The following CDH13 variants were observed in gnomAD, a reference collection of about 807,000 sequenced individuals.
CDH13 encodes cadherin-13.
Under a neutral mutation model 63.8 loss-of-function variants are expected in CDH13, and 24 were observed. The ratio of observed to expected loss-of-function variants is 0.38; its 90% CI spans 0.27 to 0.53. The LOEUF is 0.53. Ranked by LOEUF, CDH13 falls within the 20% of genes least tolerant of loss-of-function variation. CDH13 has a pLI of 0.85. For synonymous variants in CDH13, 503 were observed against 355.3 expected (o/e 1.42, Z -4.67); for missense variants, 1,049 against 903.1 (o/e 1.16, Z -2.07).
chr16:83,767,011 A>C (rs1158776938), intron 11 of CDH13, among the ~76,000 whole-genome samples: 1 of 152,172 alleles, frequency 6.6e-6, no homozygotes, highest in Non-Finnish European at 1.5e-5. Context: ...TGAGTCAATT[A>C]AACCCCTTTC....
intron 4 of CDH13, among the ~76,000 whole-genome samples, chr16:83,164,436 T>A (rs9939204): frequency 0.11 from 15,944 of 151,828 alleles, 967 homozygotes; most frequent in Middle Eastern, 0.22. Context: ...AAAACTAGAG[T>A]GTCTAAGCAG....
intron 2 of CDH13, among the ~76,000 whole-genome samples, chr16:82,969,466 T>TTTC (rs10652087): frequency 0.12 from 17,678 of 147,868 alleles, 1,285 homozygotes; most frequent in Middle Eastern, 0.16. Flanking sequence ...CTCTGGCTAT[T>TTTC]TTCTGCATAT....
chr16:83,295,563 G>A (rs886882068), intron 5 of CDH13, among the ~76,000 whole-genome samples: 4 of 152,034 alleles, frequency 2.6e-5, no homozygotes, highest in Admixed American at 6.6e-5. Flanking sequence ...TGGCCAGCAG[G>A]CATATTTTTA....
chr16:83,730,781 G>A (rs381037), intron 10 of CDH13, among the ~76,000 whole-genome samples: 31,136 of 152,094 alleles, frequency 0.2, 4,076 homozygotes, highest in Non-Finnish European at 0.3. Flanking sequence ...AGTGTGCATA[G>A]TACCCGATAG....
intron 4 of CDH13, among the ~76,000 whole-genome samples, chr16:83,147,648 T>C (rs571350762): frequency 6.6e-6 from 1 of 152,316 alleles, no homozygotes; most frequent in South Asian, 2.1e-4. Flanking sequence ...AGTGGGCTTT[T>C]CTTGACATCC....
intron 5 of CDH13, among the ~76,000 whole-genome samples, chr16:83,237,599 C>T (rs913292136): frequency 6.6e-6 from 1 of 152,202 alleles, no homozygotes; most frequent in African/African-American, 2.4e-5. Context: ...TGGCTGATGG[C>T]CTTACTGTTG....
chr16:82,705,556 C>A, intron 1 of CDH13, among the ~76,000 whole-genome samples: 1 of 152,098 alleles, frequency 6.6e-6, no homozygotes, highest in African/African-American at 2.4e-5. Context: ...GGCTGGTGAT[C>A]CCAAGACTAA....
At chr16:83,564,078 T>G (rs186550202) in intron 7 of CDH13, among the ~76,000 whole-genome samples, 1 of 152,260 alleles carries the variant, frequency 6.6e-6, no homozygotes, top group Admixed American at 6.5e-5. Flanking sequence ...GTCAAATACG[T>G]GAAATGATTA....
At chr16:83,698,288 T>C (rs377007299) in intron 10 of CDH13, among the ~76,000 whole-genome samples, 1 of 152,212 alleles carries the variant, frequency 6.6e-6, no homozygotes, top group Non-Finnish European at 1.5e-5. Context: ...AGAGTGCAAA[T>C]GAATGCTAAT....
chr16:82,871,039 G>A (rs2040326573), intron 2 of CDH13, among the ~76,000 whole-genome samples: 1 of 152,152 alleles, frequency 6.6e-6, no homozygotes, highest in South Asian at 2.1e-4. Context: ...GTCAAATGAT[G>A]TTCCATAGAA....
At position 83,337,621 on chromosome 16, in the gene CDH13, A is replaced by ATTTTTTTTTTTTTTT. The variant is rs66957563; in HGVS notation, c.637-7226_637-7212dup. On this transcript the variant is annotated intron_variant, in intron 5 of 13. Transcript: ENST00000567109. ...ATTTGAGAATTAAATTGACAAGCGT[A>ATTTTTTTTTTTTTTT]TTTTTTTTTTTTTTTTTTTTTTTTT... 7.7e-5 allele frequency among the ~76,000 whole-genome samples: 4 copies of ATTTTTTTTTTTTTTT among 52,248 alleles called. 1 individual carries two copies. The highest frequency in any genetic ancestry group is 3.8e-4 in the Admixed American group (1 of 2,644). 34.3% of individuals were successfully genotyped at this position (52,248 alleles called of 152,430 possible).
chr16:82,980,956 C>A (rs955749614), intron 2 of CDH13, among the ~76,000 whole-genome samples: 1 of 152,116 alleles, frequency 6.6e-6, no homozygotes, highest in Admixed American at 6.5e-5. Context: ...AATTAGTGCT[C>A]CAGGACAAAA....
chr16:82,696,159 G>C (rs1162663988), intron 1 of CDH13, among the ~76,000 whole-genome samples: 2 of 152,110 alleles, frequency 1.3e-5, no homozygotes, highest in Non-Finnish European at 2.9e-5. Context: ...TCTTTAGTTT[G>C]CTGTCTAAGT....
chr16:83,759,316 A>G (rs1913762717), intron 11 of CDH13, among the ~76,000 whole-genome samples: 1 of 152,240 alleles, frequency 6.6e-6, no homozygotes, highest in Non-Finnish European at 1.5e-5. Context: ...CTTTCAATAA[A>G]TAAGGCCAAG....
In CDH13 at chr16:83,437,080, G is replaced by GT. The variant is rs1031236168; in HGVS notation, c.782-49388dup. ...GCATGCTTGGTACTGTTTTGTTTGG[G>GT]TTTTTTTTTCCCAGTAGTAGGCTGG... On this transcript the variant is annotated intron_variant, in intron 6 of 13. Coordinates refer to ENST00000567109, the MANE Select transcript of CDH13 (RefSeq NM_001257.5). 2.9e-3 allele frequency among the ~76,000 whole-genome samples: 442 copies of GT among 151,414 alleles called. 1 individual carries two copies. Among genetic ancestry groups the GT allele is most frequent in the African/African-American group, 2.7e-3 (112 of 41,310 alleles).
chr16:83,503,954 G>T (rs1364794982), intron 7 of CDH13, among the ~76,000 whole-genome samples: 1 of 151,682 alleles, frequency 6.6e-6, no homozygotes, highest in Admixed American at 6.6e-5. Flanking sequence ...GTTTTAGTTG[G>T]GGGGTGGGGG....
At chr16:83,106,506 A>C (rs1764323184) in intron 3 of CDH13, among the ~76,000 whole-genome samples, 1 of 152,200 alleles carries the variant, frequency 6.6e-6, no homozygotes, top group South Asian at 2.1e-4. Context: ...ACGCCATTGC[A>C]CTCCAGCCTG....
At chr16:83,132,263 G>A (rs927549968) in intron 4 of CDH13, among the ~76,000 whole-genome samples, 1 of 152,086 alleles carries the variant, frequency 6.6e-6, no homozygotes, top group African/African-American at 2.4e-5. Context: ...GTTACTTGCT[G>A]TTGCCTGATT....
intron 10 of CDH13, among the ~76,000 whole-genome samples, chr16:83,696,621 G>A (rs931978853): frequency 2.3e-4 from 35 of 152,172 alleles, no homozygotes; most frequent in African/African-American, 8.2e-4. Flanking sequence ...AGCTCAACAA[G>A]TAAACATTTC....
Sources: allele counts gnomAD v4.1 joint callset (sites outside exome capture counted in the v4.1 genomes callset), GRCh38; gene constraint gnomAD v4.1.1; transcripts MANE v1.5; gene names NCBI Gene and HGNC (gene_info 2026-07-23, HGNC 2026-07-21).